NRG3: variants seen among roughly 807,000 people sequenced by gnomAD.
NRG3 encodes neuregulin 3.
NRG3 carries 31 observed loss-of-function variants against 66.9 expected under a neutral mutation model. The observed-to-expected ratio is 0.46, with a 90% CI of 0.35 to 0.63. The LOEUF (loss-of-function observed/expected upper bound fraction) is 0.63, where lower values mean the gene tolerates loss of function less well. NRG3 is among the 20% of genes least tolerant of loss of function. The pLI is 0.00. For synonymous variants in NRG3, 393 were observed against 359.4 expected (o/e 1.09, Z -1.06); for missense variants, 910 against 878.9 (o/e 1.04, Z -0.45).
chr10:82,875,220 T>A (rs1369345684), intron 4 of NRG3, among the ~76,000 whole-genome samples: 2 of 152,218 alleles, frequency 1.3e-5, no homozygotes, highest in Admixed American at 1.3e-4. Flanking sequence ...TCTCCTCTGA[T>A]AGAAAACATT....
intron 1 of NRG3, among the ~76,000 whole-genome samples, chr10:82,191,104 A>G (rs2133352459): frequency 6.6e-6 from 1 of 152,232 alleles, no homozygotes; most frequent in East Asian, 1.9e-4. Context: ...TGAGCTTGTT[A>G]GAGTGGTTAG....
In NRG3 at chr10:82,979,004, T is replaced by C. The variant is rs776496136; in HGVS notation, c.1467T>C (p.Asn489=). The C allele has an allele frequency of 4.3e-6, 7 of 1,613,970 alleles. No individual in the cohort carries two copies. The African/African-American group carries it at 9.3e-5, about 22-fold the overall frequency. The change falls in exon 8 of 9, where the codon AAT becomes AAC. Residue 489 remains asparagine, a synonymous_variant. Coordinates refer to ENST00000372141, the MANE Select transcript of NRG3 (RefSeq NM_001010848.4). ...AAAGAAGTGGCATGCTCCATAGGAA[T>C]GCCTTCAGAAGGACACCCCCGTCAC... is the stretch of plus-strand genomic sequence containing the variant. ...PGQRSGMLHR[N]AFRRTPPSPR...
chr10:81,941,158 AT>A (rs1848372555), intron 1 of NRG3, among the ~76,000 whole-genome samples: 1 of 152,106 alleles, frequency 6.6e-6, no homozygotes, highest in African/African-American at 2.4e-5. Context: ...ACAAGAGACA[AT>A]TCTATTTCTA....
intron 1 of NRG3, among the ~76,000 whole-genome samples, chr10:81,983,750 A>G (rs1413961560): frequency 1.3e-5 from 2 of 152,190 alleles, no homozygotes; most frequent in East Asian, 3.8e-4. Flanking sequence ...GTACAGCTCA[A>G]TTAAGCTTAG....
chr10:82,087,070 G>A (rs2065769333), intron 1 of NRG3, among the ~76,000 whole-genome samples: 1 of 152,068 alleles, frequency 6.6e-6, no homozygotes, highest in Non-Finnish European at 1.5e-5. Context: ...GAGCACAGAA[G>A]ACCCATTAAA....
At chr10:82,109,406 C>G (rs777722819) in intron 1 of NRG3, among the ~76,000 whole-genome samples, 1 of 152,144 alleles carries the variant, frequency 6.6e-6, no homozygotes, top group Non-Finnish European at 1.5e-5. Flanking sequence ...TACTGCTAAG[C>G]GCTCTATCCT....
intron 3 of NRG3, among the ~76,000 whole-genome samples, chr10:82,740,065 TTC>T (rs1306690451): frequency 6.6e-6 from 1 of 151,862 alleles, no homozygotes; most frequent in Non-Finnish European, 1.5e-5. Context: ...TCTCTCTTTT[TTC>T]TGTTTTTATC....
chr10:82,681,865 T>TC (rs1302869779), intron 2 of NRG3, among the ~76,000 whole-genome samples: 4 of 152,228 alleles, frequency 2.6e-5, no homozygotes. Context: ...CCCATTGTTT[T>TC]TATATCTTCT....
At chr10:81,952,391 G>A (rs1255141478) in intron 1 of NRG3, among the ~76,000 whole-genome samples, 2 of 152,036 alleles carry the variant, frequency 1.3e-5, no homozygotes, top group African/African-American at 2.4e-5. Flanking sequence ...GTGTGTGTAT[G>A]TGTGCGTGTG....
chr10:81,945,979 C>T (rs1359845387), intron 1 of NRG3, among the ~76,000 whole-genome samples: 1 of 152,118 alleles, frequency 6.6e-6, no homozygotes, highest in African/African-American at 2.4e-5. Flanking sequence ...CAGAATCTCT[C>T]AGAACGAACC....
intron 3 of NRG3, among the ~76,000 whole-genome samples, chr10:82,845,913 T>G (rs1310272277): frequency 1.3e-5 from 2 of 152,148 alleles, no homozygotes; most frequent in Admixed American, 1.3e-4. Flanking sequence ...AAACTTAAAG[T>G]GCATAAGATT....
chr10:82,762,321 G>A (rs1313488241), intron 3 of NRG3, among the ~76,000 whole-genome samples: 1 of 151,912 alleles, frequency 6.6e-6, no homozygotes, highest in Non-Finnish European at 1.5e-5. Flanking sequence ...CATTATGAAT[G>A]AGAAAAATGA....
chr10:82,295,997 G>A (rs2080038319), intron 1 of NRG3, among the ~76,000 whole-genome samples: 1 of 152,110 alleles, frequency 6.6e-6, no homozygotes, highest in Non-Finnish European at 1.5e-5. Flanking sequence ...AGATCCTGGT[G>A]CAGTCTATGC....
intron 1 of NRG3, among the ~76,000 whole-genome samples, chr10:82,304,983 CTTTTTTTTTTTTT>C (rs760661674): frequency 1.4e-4 from 10 of 73,866 alleles, no homozygotes; most frequent in South Asian, 4.3e-4. Context: ...TCAGATTCCT[CTTTTTTTTTTTTT>C]TTTTTTTTTT....
At chr10:82,469,501 G>T (rs1375581356) in intron 2 of NRG3, among the ~76,000 whole-genome samples, 1 of 152,124 alleles carries the variant, frequency 6.6e-6, no homozygotes, top group African/African-American at 2.4e-5. Flanking sequence ...CGTGGTGTTG[G>T]GGGAAAGGTT....
intron 8 of NRG3, 62 bp downstream of exon 8, chr10:82,979,182 A>C: frequency 6.7e-7 from 1 of 1,502,434 alleles, no homozygotes; most frequent in Non-Finnish European, 9.2e-7. Flanking sequence ...GCTTTAAGTT[A>C]AGTTTTAAGT....
intron 2 of NRG3, among the ~76,000 whole-genome samples, chr10:82,495,079 T>A (rs905645078): frequency 3.9e-5 from 6 of 151,996 alleles, no homozygotes; most frequent in Non-Finnish European, 8.8e-5. Flanking sequence ...TAGCTGAGAT[T>A]ACAGGTGCGG....
At chr10:82,317,188 T>C (rs2081338656) in intron 1 of NRG3, among the ~76,000 whole-genome samples, 1 of 151,300 alleles carries the variant, frequency 6.6e-6, no homozygotes, top group African/African-American at 2.4e-5. Flanking sequence ...ATTCAATATG[T>C]CTAAGGTAGA....
At chr10:81,894,463 C>T (rs760547602) in intron 1 of NRG3, among the ~76,000 whole-genome samples, 5 of 152,112 alleles carry the variant, frequency 3.3e-5, no homozygotes, top group Non-Finnish European at 7.4e-5. Context: ...TGCAGATGGC[C>T]ACCTTATCAC....
Sources: gnomAD v4.1 joint callset for allele counts (sites outside exome capture counted in the v4.1 genomes callset) on GRCh38, gnomAD v4.1.1 for gene constraint, MANE v1.5 for transcripts, NCBI Gene and HGNC (gene_info 2026-07-23, HGNC 2026-07-21) for gene names.